The following ADAMTS17 variants were observed in gnomAD, a reference collection of about 807,000 sequenced individuals.
The protein encoded by ADAMTS17 is A disintegrin and metalloproteinase with thrombospondin motifs 17.
In ADAMTS17, 113 loss-of-function variants were observed where a neutral mutation model predicts 141.5. The observed-to-expected ratio is 0.80, with a 90% CI of 0.69 to 0.93. ADAMTS17 has a LOEUF of 0.93. ADAMTS17 is among the 40% of genes least tolerant of loss of function. The probability of loss-of-function intolerance (pLI) is 0.00; values close to 1 mark genes in which losing one functional copy is unlikely to be tolerated. For synonymous variants in ADAMTS17, 768 were observed against 630.6 expected, an observed-to-expected ratio of 1.22 and a Z score of -3.27; for missense variants, 1,659 against 1,517.9, an observed-to-expected ratio of 1.09 and a Z score of -1.54.
chr15:100,327,317 C>A (rs2045929613), intron 3 of ADAMTS17, among the ~76,000 whole-genome samples: 1 of 152,178 alleles, frequency 6.6e-6, no homozygotes, highest in Non-Finnish European at 1.5e-5. Flanking sequence ...TATAAATGAA[C>A]AAACAATACT....
At chr15:100,163,539 G>A (rs2039824608) in intron 8 of ADAMTS17, among the ~76,000 whole-genome samples, 1 of 152,146 alleles carries the variant, frequency 6.6e-6, no homozygotes, top group Non-Finnish European at 1.5e-5. Context: ...AAGCTGGAGT[G>A]CAGTGGCATG....
At chr15:100,070,625 C>T (rs2033900617) in intron 15 of ADAMTS17, among the ~76,000 whole-genome samples, 1 of 150,028 alleles carries the variant, frequency 6.7e-6, no homozygotes, top group African/African-American at 2.5e-5. Context: ...AACTGAACAA[C>T]CTGCTCCTGA....
chr15:100,340,952 A>C, intron 2 of ADAMTS17, 87 bp downstream of exon 2: 30 of 1,448,840 alleles, frequency 2.1e-5, no homozygotes, highest in East Asian at 2.7e-5. Flanking sequence ...GACTTCCAGC[A>C]GAGGCGCCCC....
chr15:100,301,365 C>T (rs11636493), intron 3 of ADAMTS17, among the ~76,000 whole-genome samples: 62,718 of 150,942 alleles, frequency 0.42, 13,224 homozygotes, highest in South Asian at 0.52. Flanking sequence ...GTCTCTGTTG[C>T]CCAGGCTGAA....
chr15:100,212,683 C>G (rs150586074), intron 7 of ADAMTS17, among the ~76,000 whole-genome samples: 1 of 152,172 alleles, frequency 6.6e-6, no homozygotes, highest in Non-Finnish European at 1.5e-5. Context: ...GTTACCCAAG[C>G]ATTCCTCAGA....
At chr15:100,148,312 GC>G (rs993649468) in intron 10 of ADAMTS17, among the ~76,000 whole-genome samples, 7 of 152,078 alleles carry the variant, frequency 4.6e-5, no homozygotes, top group Admixed American at 1.3e-4. Flanking sequence ...TCATATATTT[GC>G]CCACGAAATT....
Position 99,973,824 on chromosome 15 carries a change from G to A in ADAMTS17, c.*578C>T. ...CTTCCAAGGCAACACCTAGGATTTA[G>A]AGACTATGTTCTCAGAGACGGGCAT... On this transcript the variant is annotated 3_prime_UTR_variant, in exon 22 of 22. Transcript: ENST00000268070. 2 of 191,340 alleles carry A rather than the reference G, an allele frequency of 1.0e-5. No individual in the cohort carries two copies. Among genetic ancestry groups the A allele is most frequent in the Non-Finnish European group, 2.2e-5 (2 of 91,746 alleles). The allele number at this position is 191,340 out of a possible 1,614,324, so 11.9% of individuals were successfully genotyped here. A position where few individuals can be genotyped will look rare whatever the true frequency, so the allele number is the denominator to read the frequency against.
intron 3 of ADAMTS17, among the ~76,000 whole-genome samples, chr15:100,285,073 C>A (rs1196718582): frequency 6.6e-6 from 1 of 152,236 alleles, no homozygotes; most frequent in Non-Finnish European, 1.5e-5. Flanking sequence ...CCAGCAGTTT[C>A]TTTTGCCAGC....
intron 7 of ADAMTS17, among the ~76,000 whole-genome samples, chr15:100,248,147 T>C (rs989353475): frequency 3.3e-5 from 5 of 152,058 alleles, no homozygotes; most frequent in African/African-American, 1.2e-4. Context: ...CGGTGGAACA[T>C]CTCCACTTCC....
intron 7 of ADAMTS17, among the ~76,000 whole-genome samples, chr15:100,244,607 G>GACC (rs2042931332): frequency 6.6e-6 from 1 of 152,036 alleles, no homozygotes; most frequent in African/African-American, 2.4e-5. Context: ...CTCATGGGTG[G>GACC]CACCTGGTGA....
chr15:100,111,029 C>A (rs2036744246), intron 13 of ADAMTS17, among the ~76,000 whole-genome samples: 1 of 152,218 alleles, frequency 6.6e-6, no homozygotes, highest in South Asian at 2.1e-4. Context: ...GCTGGAAATG[C>A]TTCCCTCAGT....
At chr15:100,171,074 G>A (rs758916261) in intron 8 of ADAMTS17, among the ~76,000 whole-genome samples, 6 of 152,124 alleles carry the variant, frequency 3.9e-5, no homozygotes, top group Non-Finnish European at 7.4e-5. Context: ...TTAATGGGCA[G>A]TAGGAACCAG....
At position 100,209,934 on chromosome 15, in the gene ADAMTS17, A is replaced by C. The variant is rs572269221; in HGVS notation, c.1076-10511T>G. Among the ~76,000 whole-genome samples the C allele has an allele frequency of 1.5e-3, 221 of 152,294 alleles. 1 individual carries two copies. Among genetic ancestry groups the C allele is most frequent in the African/African-American group, 5.2e-3 (217 of 41,556 alleles). On this transcript the variant is annotated intron_variant, in intron 7 of 21. Coordinates refer to ENST00000268070, the MANE Select transcript of ADAMTS17 (RefSeq NM_139057.4). Reference sequence around the variant, plus strand: ...CTTTAAAATGTCAAAGGTCAAGAAAAACAAATGTTCTTCACCTTTCAAGCA... The same window carrying C: ...CTTTAAAATGTCAAAGGTCAAGAAACACAAATGTTCTTCACCTTTCAAGCA...
intron 19 of ADAMTS17, among the ~76,000 whole-genome samples, chr15:99,994,282 G>A (rs1330418500): frequency 6.6e-6 from 1 of 152,118 alleles, no homozygotes; most frequent in Non-Finnish European, 1.5e-5. Flanking sequence ...AAATATGGCA[G>A]GCGACAGCAC....
Position 100,155,311 on chromosome 15 carries a change from C to G in ADAMTS17, c.1191G>C (p.Met397Ile). The G allele has an allele frequency of 1.2e-6, 2 of 1,613,734 alleles. No individual in the cohort carries two copies. The highest frequency in any genetic ancestry group is 8.5e-7 in the Non-Finnish European group (1 of 1,179,808). Residue 397 changes from methionine (M) to isoleucine (I), a missense_variant, in exon 9 of 22, where the codon ATG becomes ATC. Coordinates refer to ENST00000268070, the MANE Select transcript of ADAMTS17 (RefSeq NM_139057.4). ...AAGATGAGTGGTCATCGTCGTGGTT[C>G]ATGCCCAAGCTGTCCAAGAAGGAGG... Reference protein sequence around the residue: ...IAHELGHNLGMNHDDDHSSCA... With the variant: ...IAHELGHNLGINHDDDHSSCA...
At chr15:100,275,689 A>G (rs1250584675) in intron 4 of ADAMTS17, among the ~76,000 whole-genome samples, 1 of 152,056 alleles carries the variant, frequency 6.6e-6, no homozygotes, top group Non-Finnish European at 1.5e-5. Flanking sequence ...GAATGACGAA[A>G]TCCACCAGGT....
chr15:100,237,540 C>T (rs920435191), intron 7 of ADAMTS17, among the ~76,000 whole-genome samples: 3 of 152,178 alleles, frequency 2.0e-5, no homozygotes, highest in African/African-American at 4.8e-5. Context: ...AGGAGGGACT[C>T]GATGGGCAAG....
intron 7 of ADAMTS17, among the ~76,000 whole-genome samples, 179 bp downstream of exon 7, chr15:100,253,957 T>A (rs1420800752): frequency 6.6e-6 from 1 of 151,984 alleles, no homozygotes; most frequent in African/African-American, 2.4e-5. Flanking sequence ...CTGCCATCAA[T>A]AACTTCAAAT....
chr15:100,283,426 C>T (rs543625052), intron 3 of ADAMTS17, among the ~76,000 whole-genome samples: 85 of 152,324 alleles, frequency 5.6e-4, no homozygotes, highest in African/African-American at 1.9e-3. Flanking sequence ...TATGAAGATT[C>T]CTTCCTTGTT....
Sources: allele counts gnomAD v4.1 joint callset (sites outside exome capture counted in the v4.1 genomes callset), GRCh38; gene constraint gnomAD v4.1.1; transcripts MANE v1.5; gene names NCBI Gene and HGNC (gene_info 2026-07-23, HGNC 2026-07-21).